PITPNM3: variants seen among roughly 807,000 people sequenced by gnomAD.
The protein encoded by PITPNM3 is membrane-associated phosphatidylinositol transfer protein 3.
A neutral mutation model predicts 102.0 loss-of-function variants in PITPNM3; 26 were observed. That is an observed-to-expected ratio of 0.25 (90% CI 0.19 to 0.35). The LOEUF (loss-of-function observed/expected upper bound fraction) is 0.35. Among genes scored for constraint, PITPNM3 ranks in the 10% least tolerant of loss-of-function variants. The pLI, the probability that PITPNM3 is intolerant of heterozygous loss-of-function variation, is 1.00. For missense variants in PITPNM3, 1,083 were observed against 1,346.1 expected, an observed-to-expected ratio of 0.80 and a Z score of 3.06; for synonymous variants, 578 against 558.6, an observed-to-expected ratio of 1.03 and a Z score of -0.49.
chr17:6,543,340 G>A lies in PITPNM3; in HGVS notation c.23-5258C>T, dbSNP rs528953696. On this transcript the variant is annotated intron_variant, in intron 1 of 19. Coordinates refer to ENST00000262483, the MANE Select transcript of PITPNM3 (RefSeq NM_031220.4). ...CCATCTTTCCCACTCAGGGACATAG[G>A]ACTAGGTGGACAGAGAGACAGACAG... 2.0e-5 allele frequency among the ~76,000 whole-genome samples: 3 copies of A among 152,338 alleles called. No homozygotes were observed. In the South Asian group the frequency reaches 6.2e-4, roughly 32 times the overall value.
At position 6,538,055 on chromosome 17, in the gene PITPNM3, G is replaced by A. The variant is rs772306542; in HGVS notation, c.50C>T (p.Pro17Leu). The A allele has an allele frequency of 6.2e-7, 1 of 1,613,274 alleles. No individual in the cohort carries two copies. The highest frequency in any genetic ancestry group is 8.5e-7 in the Non-Finnish European group (1 of 1,179,322). Reference sequence around the variant, plus strand: ...ACTGAGGACATTTCGAAGGTGCCAGGGGGCACCGCCGCCCGGGGGAGGACC... The same window carrying A: ...ACTGAGGACATTTCGAAGGTGCCAGAGGGCACCGCCGCCCGGGGGAGGACC... ...AGGPPPGGGA[P>L]WHLRNVLSDS... is the part of the protein sequence containing the mutation. Residue 17 changes from proline to leucine, a missense_variant, in exon 2 of 20, where the codon CCC becomes CTC. Physicochemically the swap from Pro to Leu is moderately conservative, Grantham distance 98. Coordinates refer to ENST00000262483, the MANE Select transcript of PITPNM3 (RefSeq NM_031220.4).
At position 6,463,753 on chromosome 17, in the gene PITPNM3, G is replaced by C. The variant is rs756069272; in HGVS notation, c.2285C>G (p.Pro762Arg). 6.2e-7 allele frequency: 1 copy of C among 1,611,592 alleles called. No homozygotes were observed. The highest frequency in any genetic ancestry group is 8.5e-7 in the Non-Finnish European group (1 of 1,179,734). Reference sequence around the variant, plus strand: ...TCACCGGACAACATCCACTGCACCCGGCCGGACCTTGGGGTCGCTTCCCAT... The same window carrying C: ...TCACCGGACAACATCCACTGCACCCCGCCGGACCTTGGGGTCGCTTCCCAT... ...SIMGSDPKVR[P>R]GAVDVVRHWQ... Residue 762 changes from proline to arginine, a missense_variant, in exon 17 of 20, where the codon CCG (proline) becomes CGG (arginine). By Grantham distance (103) the Pro-to-Arg change is moderately radical. Around this residue, in one of 5 missense-constraint regions of PITPNM3, gnomAD observed 410 missense variants for 638.4 expected, o/e 0.64. Coordinates refer to ENST00000262483, the MANE Select transcript of PITPNM3 (RefSeq NM_031220.4).
At position 6,481,985 on chromosome 17, in the gene PITPNM3, CCTCTCTCTCTCTCTCTCTCTCTCT is replaced by C. The variant is rs773528111; in HGVS notation, c.587+1508_587+1531del. 2.1e-4 allele frequency among the ~76,000 whole-genome samples: 12 copies of C among 56,142 alleles called. No homozygotes were observed. In the South Asian group the frequency reaches 6.3e-3, roughly 29 times the overall value. The allele number at this position is 56,142 out of a possible 152,430, so 36.8% of individuals were successfully genotyped here. A position where few individuals can be genotyped will look rare whatever the true frequency, so the allele number is the denominator to read the frequency against. ...GGCACTTAGCCCTAGGAAAACAGAA[CCTCTCTCTCTCTCTCTCTCTCTCT>C]CTCTCTCTCTCTCTCTCTCTCTCTC... is the stretch of plus-strand genomic sequence containing the variant. On this transcript the variant is annotated intron_variant, in intron 6 of 19. Coordinates refer to ENST00000262483, the MANE Select transcript of PITPNM3 (RefSeq NM_031220.4).
intron 2 of PITPNM3, among the ~76,000 whole-genome samples, chr17:6,527,008 C>A (rs781762024): frequency 3.3e-5 from 5 of 152,174 alleles, no homozygotes; most frequent in Non-Finnish European, 5.9e-5. Context: ...CTGTGCTGGG[C>A]AGGGCCCTGA....
At chr17:6,515,267 G>A (rs1402010036) in intron 3 of PITPNM3, among the ~76,000 whole-genome samples, 4 of 151,578 alleles carry the variant, frequency 2.6e-5, no homozygotes, top group South Asian at 2.1e-4. Context: ...ACCTGGTGGC[G>A]GGCACCTGTA....
chr17:6,462,120 T>G (rs193013824), intron 17 of PITPNM3, among the ~76,000 whole-genome samples: 53 of 152,238 alleles, frequency 3.5e-4, no homozygotes, highest in African/African-American at 1.2e-3. Flanking sequence ...TCCCCCTCTG[T>G]AAAATGGGCA....
intron 5 of PITPNM3, 102 bp from the exon 6 acceptor site, chr17:6,483,854 C>A: frequency 1.0e-6 from 1 of 986,486 alleles, no homozygotes; most frequent in Non-Finnish European, 1.6e-6. Flanking sequence ...CACACTCACA[C>A]ACACGCACAC....
intron 2 of PITPNM3, among the ~76,000 whole-genome samples, chr17:6,527,372 G>A (rs1908893219): frequency 6.6e-6 from 1 of 152,156 alleles, no homozygotes; most frequent in African/African-American, 2.4e-5. Context: ...CTCTGTCATT[G>A]GATTGTTGTG....
intron 3 of PITPNM3, among the ~76,000 whole-genome samples, chr17:6,519,836 A>G (rs1908409678): frequency 6.6e-6 from 1 of 152,184 alleles, no homozygotes; most frequent in Non-Finnish European, 1.5e-5. Context: ...TCTCCAAAAA[A>G]AAAAGAAAGA....
At chr17:6,514,216 A>T (rs1908023292) in intron 3 of PITPNM3, among the ~76,000 whole-genome samples, 1 of 152,208 alleles carries the variant, frequency 6.6e-6, no homozygotes, top group Non-Finnish European at 1.5e-5. Context: ...ATGGTTTCTT[A>T]CATATGGCAC....
intron 3 of PITPNM3, among the ~76,000 whole-genome samples, chr17:6,516,242 C>T (rs1032775728): frequency 6.6e-6 from 1 of 152,132 alleles, no homozygotes; most frequent in Non-Finnish European, 1.5e-5. Context: ...AACAAGGTAA[C>T]GTGTGGTTAG....
rs377337764 is a variant in PITPNM3 at position 6,476,777 on chromosome 17, C to T, written c.1085+252G>A. ...AGAAAAGCCGAGGCTCAGAAAAGGA[C>T]GACTGTTCCCAGTCTCTCTGCAAGT... is the stretch of plus-strand genomic sequence containing the variant. On this transcript the variant is annotated intron_variant, in intron 9 of 19. Transcript: ENST00000262483. Among the ~76,000 whole-genome samples the T allele has an allele frequency of 1.1e-4, 16 of 152,354 alleles. No homozygotes were observed. In the East Asian group the frequency reaches 1.7e-3, roughly 17 times the overall value.
intron 1 of PITPNM3, among the ~76,000 whole-genome samples, chr17:6,539,541 A>G (rs1242111132): frequency 6.6e-6 from 1 of 152,208 alleles, no homozygotes; most frequent in Non-Finnish European, 1.5e-5. Context: ...GCAAAAGTCA[A>G]TTGCATTCCT....
rs570780144 is a variant in PITPNM3, at chr17:6,529,232, A to G, written c.119-3769T>C. ...TCCTGTAAGCACAACCTACAATGCC[A>G]TAAGGAAAGCCTTTCTTCCTATCCT... On this transcript the variant is annotated intron_variant, in intron 2 of 19. Transcript: ENST00000262483. Among the ~76,000 whole-genome samples the G allele has an allele frequency of 4.6e-5, 7 of 152,278 alleles. No homozygotes were observed. In the East Asian group the frequency reaches 9.6e-4, roughly 21 times the overall value.
intron 2 of PITPNM3, among the ~76,000 whole-genome samples, chr17:6,528,678 G>A (rs149904218): frequency 5.1e-4 from 78 of 151,604 alleles, no homozygotes; most frequent in African/African-American, 1.8e-3. Flanking sequence ...CTGCCCCTCC[G>A]CCCATCCCTG....
chr17:6,555,840 T>TGGGGGA (rs1368548810), intron 1 of PITPNM3, among the ~76,000 whole-genome samples: 1 of 151,930 alleles, frequency 6.6e-6, no homozygotes, highest in African/African-American at 2.4e-5. Flanking sequence ...CCAGGGTCGA[T>TGGGGGA]GGGGGAGGGG....
intron 2 of PITPNM3, among the ~76,000 whole-genome samples, chr17:6,530,458 C>T (rs1350006623): frequency 1.3e-5 from 2 of 152,194 alleles, no homozygotes; most frequent in African/African-American, 4.8e-5. Flanking sequence ...GCTCCTCAGG[C>T]CCCAGCCTCC....
chr17:6,483,118 A>G lies in PITPNM3; in HGVS notation c.587+399T>C, dbSNP rs1242650184. On this transcript the variant is annotated intron_variant, in intron 6 of 19. Coordinates refer to ENST00000262483, the MANE Select transcript of PITPNM3 (RefSeq NM_031220.4). ...CGCCACCTCACCTGGCTAATTTTTT[A>G]TATTTGTAGTAGAGACAGGGTTTCA... 2.6e-5 allele frequency among the ~76,000 whole-genome samples: 4 copies of G among 151,904 alleles called. No homozygotes were observed. In the East Asian group the frequency reaches 7.8e-4, roughly 30 times the overall value.
intron 3 of PITPNM3, among the ~76,000 whole-genome samples, chr17:6,509,697 C>T (rs1277598029): frequency 1.3e-5 from 2 of 152,182 alleles, no homozygotes; most frequent in Non-Finnish European, 2.9e-5. Context: ...ATGGAGCCTC[C>T]CCTGAGCTGC....
Sources: gnomAD v4.1 joint callset for allele counts (sites outside exome capture counted in the v4.1 genomes callset) on GRCh38, gnomAD v4.1.1 for gene constraint, gnomAD v4.1.1 regional missense constraint, MANE v1.5 for transcripts, NCBI Gene and HGNC (gene_info 2026-07-23, HGNC 2026-07-21) for gene names.